FBXL7: variants seen among roughly 807,000 people sequenced by gnomAD.
FBXL7 encodes the protein F-box/LRR-repeat protein 7.
Under a neutral mutation model 38.3 loss-of-function variants are expected in FBXL7, and 12 were observed. The observed-to-expected ratio is 0.31, with a 90% CI of 0.20 to 0.51. The LOEUF (loss-of-function observed/expected upper bound fraction) is 0.51, where lower values mean the gene tolerates loss of function less well. Ranked by LOEUF, FBXL7 falls within the 20% of genes least tolerant of loss-of-function variation. FBXL7 has a pLI of 0.98. For synonymous variants in FBXL7, 297 were observed against 300.9 expected (o/e 0.99, Z 0.13); for missense variants, 567 against 676.4 (o/e 0.84, Z 1.79).
chr5:15,555,980 T>TCTAG (rs1738218866), intron 1 of FBXL7, among the ~76,000 whole-genome samples: 6 of 104,812 alleles, frequency 5.7e-5, no homozygotes, highest in African/African-American at 2.3e-4. Flanking sequence ...CTATCATCTA[T>TCTAG]CTATCTATCT....
At chr5:15,515,028 A>G (rs1347576405) in intron 1 of FBXL7, among the ~76,000 whole-genome samples, 5 of 152,160 alleles carry the variant, frequency 3.3e-5, no homozygotes, top group Admixed American at 1.3e-4. Context: ...GTATTTTCCA[A>G]TAAACCACCT....
intron 2 of FBXL7, among the ~76,000 whole-genome samples, chr5:15,743,102 TCTCA>T (rs1175565653): frequency 6.6e-6 from 1 of 152,080 alleles, no homozygotes; most frequent in Admixed American, 6.5e-5. Context: ...AACCATATCA[TCTCA>T]CTCCTGGCCC....
At chr5:15,753,059 C>T (rs1736195510) in intron 2 of FBXL7, among the ~76,000 whole-genome samples, 1 of 152,160 alleles carries the variant, frequency 6.6e-6, no homozygotes, top group African/African-American at 2.4e-5. Context: ...CACTTGGCTA[C>T]TCTGTGGCAG....
chr5:15,871,275 A>G (rs1047562699), intron 2 of FBXL7, among the ~76,000 whole-genome samples: 4 of 152,208 alleles, frequency 2.6e-5, no homozygotes, highest in Non-Finnish European at 4.4e-5. Context: ...AAGGATGACA[A>G]TGCAAAAGCT....
intron 2 of FBXL7, among the ~76,000 whole-genome samples, chr5:15,789,981 C>T (rs1294077680): frequency 6.6e-6 from 1 of 152,094 alleles, no homozygotes; most frequent in Non-Finnish European, 1.5e-5. Context: ...CTGCATAGGC[C>T]CCCGTGGCCA....
intron 2 of FBXL7, among the ~76,000 whole-genome samples, chr5:15,638,646 T>C (rs190945666): frequency 6.6e-6 from 1 of 152,116 alleles, no homozygotes; most frequent in Admixed American, 6.5e-5. Flanking sequence ...GTGGGGGTGA[T>C]GCTGACTTCA....
At position 15,856,902 on chromosome 5, in the gene FBXL7, C is replaced by T. The variant is rs553545452; in HGVS notation, c.128-70988C>T. ...ACCAGTTACTAATAAATGCATATTG[C>T]GGTCATTTTTAAACATGTTTTAATA... is the stretch of plus-strand genomic sequence containing the variant. On this transcript the variant is annotated intron_variant, in intron 2 of 3. Transcript: ENST00000504595. Among the ~76,000 whole-genome samples, 200 of 152,166 alleles carry T rather than the reference C, an allele frequency of 1.3e-3. 4 individuals carry two copies. The highest frequency in any genetic ancestry group is 8.7e-4 in the African/African-American group (36 of 41,536).
At chr5:15,689,267 G>GTTTTTTTTTTTTT (rs34173414) in intron 2 of FBXL7, among the ~76,000 whole-genome samples, 1 of 142,592 alleles carries the variant, frequency 7.0e-6, no homozygotes, top group Non-Finnish European at 1.5e-5. Context: ...TTTATTTTCA[G>GTTTTTTTTTTTTT]TTTTTTTTTT....
chr5:15,777,751 ATT>A (rs1736895582), intron 2 of FBXL7, among the ~76,000 whole-genome samples: 2 of 150,170 alleles, frequency 1.3e-5, no homozygotes, highest in South Asian at 4.4e-4. Flanking sequence ...AAAAAAGTAA[ATT>A]CCAGTTCCAA....
At chr5:15,765,075 A>G (rs1297480485) in intron 2 of FBXL7, among the ~76,000 whole-genome samples, 2 of 152,178 alleles carry the variant, frequency 1.3e-5, no homozygotes, top group African/African-American at 2.4e-5. Context: ...AGTAGATGAC[A>G]TTTCCCTTAA....
intron 2 of FBXL7, among the ~76,000 whole-genome samples, chr5:15,778,156 C>T (rs1385984617): frequency 6.6e-6 from 1 of 151,992 alleles, no homozygotes; most frequent in Non-Finnish European, 1.5e-5. Flanking sequence ...CTAAGATGCT[C>T]AGAAAATGTA....
intron 2 of FBXL7, among the ~76,000 whole-genome samples, chr5:15,792,358 A>T (rs1016735184): frequency 6.6e-6 from 1 of 152,174 alleles, no homozygotes; most frequent in Admixed American, 6.5e-5. Context: ...GCTGGTGGAT[A>T]ACCCAGCAAG....
chr5:15,573,931 T>C (rs748685580), intron 1 of FBXL7, among the ~76,000 whole-genome samples: 1 of 152,232 alleles, frequency 6.6e-6, no homozygotes, highest in Non-Finnish European at 1.5e-5. Context: ...TTCTGAGTCA[T>C]ATAAACATAA....
rs184200541 is a variant in FBXL7, at chr5:15,771,023, C to T, written c.127+154951C>T. Among the ~76,000 whole-genome samples, 10 of 152,318 alleles carry T rather than the reference C, an allele frequency of 6.6e-5. No individual in the cohort carries two copies. In the East Asian group the frequency reaches 1.5e-3, roughly 23 times the overall value. ...TAACGGAATTTCCACATCTCCAATG[C>T]GCTTTGCTCATCCCATCCTCCTGTT... On this transcript the variant is annotated intron_variant, in intron 2 of 3. Coordinates refer to ENST00000504595, the MANE Select transcript of FBXL7 (RefSeq NM_012304.5).
At chr5:15,770,733 A>T (rs1385562762) in intron 2 of FBXL7, among the ~76,000 whole-genome samples, 1 of 152,098 alleles carries the variant, frequency 6.6e-6, no homozygotes, top group Non-Finnish European at 1.5e-5. Context: ...TATTATAGAG[A>T]TTGGGAGGTT....
intron 1 of FBXL7, among the ~76,000 whole-genome samples, chr5:15,602,725 C>T (rs777669338): frequency 4.6e-5 from 7 of 152,062 alleles, no homozygotes; most frequent in Admixed American, 6.5e-5. Flanking sequence ...AGTCCCTTTA[C>T]CCTCCCCCCA....
intron 2 of FBXL7, among the ~76,000 whole-genome samples, chr5:15,808,464 AC>A (rs1485866738): frequency 2.0e-5 from 3 of 152,070 alleles, no homozygotes; most frequent in East Asian, 3.9e-4. Flanking sequence ...GCCTGGACTT[AC>A]CCCGTTCTCA....
chr5:15,685,675 A>G (rs190422474), intron 2 of FBXL7, among the ~76,000 whole-genome samples: 3 of 152,300 alleles, frequency 2.0e-5, no homozygotes, highest in Non-Finnish European at 4.4e-5. Context: ...TACCATGTGT[A>G]TAACTTTATG....
chr5:15,733,923 A>G (rs1484839851), intron 2 of FBXL7, among the ~76,000 whole-genome samples: 4 of 152,152 alleles, frequency 2.6e-5, no homozygotes, highest in Admixed American at 1.3e-4. Flanking sequence ...CCTGGCCAAC[A>G]TGGTGAAACC....
Sources: allele counts gnomAD v4.1 joint callset (sites outside exome capture counted in the v4.1 genomes callset), GRCh38; gene constraint gnomAD v4.1.1; transcripts MANE v1.5; gene names NCBI Gene and HGNC (gene_info 2026-07-23, HGNC 2026-07-21).